The following KIF6 variants were observed in gnomAD, a reference collection of about 807,000 sequenced individuals.
The protein encoded by KIF6 is kinesin-like protein KIF6.
KIF6 carries 106 observed loss-of-function variants against 112.7 expected under a neutral mutation model. The observed-to-expected ratio is 0.94, with a 90% CI of 0.80 to 1.11. The LOEUF (loss-of-function observed/expected upper bound fraction) is 1.11. Among genes scored for constraint, KIF6 ranks in the 50% least tolerant of loss-of-function variants. The pLI, the probability that KIF6 is intolerant of heterozygous loss-of-function variation, is 0.00. For missense variants in KIF6, 929 were observed against 964.0 expected (o/e 0.96, Z 0.48); for synonymous variants, 339 against 339.9 (o/e 1.00, Z 0.03).
chr6:39,634,817 T>G (rs1285817532), intron 5 of KIF6, 32 bp downstream of exon 5: 1 of 1,209,210 alleles, frequency 8.3e-7, no homozygotes, highest in Admixed American at 1.7e-5. Context: ...TGAAAGTAAT[T>G]TCCCTCCATT....
At chr6:39,417,955 G>A (rs1390026638) in intron 15 of KIF6, among the ~76,000 whole-genome samples, 1 of 151,892 alleles carries the variant, frequency 6.6e-6, no homozygotes, top group Non-Finnish European at 1.5e-5. Flanking sequence ...GAGGTAAGAG[G>A]ATGCTGACAA....
intron 15 of KIF6, among the ~76,000 whole-genome samples, chr6:39,403,049 A>G (rs1018495894): frequency 1.4e-4 from 21 of 152,332 alleles, no homozygotes; most frequent in Admixed American, 9.2e-4. Context: ...ATTAAAAAAA[A>G]AATTCTGTTC....
chr6:39,646,112 C>T (rs1016905668), intron 3 of KIF6, among the ~76,000 whole-genome samples: 5 of 146,828 alleles, frequency 3.4e-5, no homozygotes, highest in East Asian at 2.0e-4. Context: ...TAGAACTTAA[C>T]GTATAAGAAA....
rs528137463 is a variant in KIF6 at position 39,587,663 on chromosome 6, C to T, written c.847-1259G>A. Among the ~76,000 whole-genome samples, 8 of 152,236 alleles carry T rather than the reference C, an allele frequency of 5.3e-5. 1 individual carries two copies. Among genetic ancestry groups the T allele is most frequent in the Admixed American group, 2.6e-4 (4 of 15,294 alleles). On this transcript the variant is annotated intron_variant, in intron 7 of 22. Coordinates refer to ENST00000287152, the MANE Select transcript of KIF6 (RefSeq NM_145027.6). ...CTACTAGATATGATAGATATAGATT[C>T]GGAACCCTGACCAGGACTATCTCAT...
At chr6:39,532,308 G>A (rs754700933) in intron 13 of KIF6, among the ~76,000 whole-genome samples, 30 of 152,144 alleles carry the variant, frequency 2.0e-4, no homozygotes, top group Non-Finnish European at 4.0e-4. Flanking sequence ...AGTACCTGAT[G>A]TATATAAGGA....
At chr6:39,526,983 C>T (rs1777775429) in intron 13 of KIF6, among the ~76,000 whole-genome samples, 1 of 152,220 alleles carries the variant, frequency 6.6e-6, no homozygotes, top group Admixed American at 6.5e-5. Context: ...TTCTATTTCT[C>T]TGGTTGCTTT....
At chr6:39,585,040 T>A in intron 8 of KIF6, 56 bp from the exon 9 acceptor site, 1 of 987,782 alleles carries the variant, frequency 1.0e-6, no homozygotes, top group Non-Finnish European at 1.6e-6. Context: ...TATTTCTTTC[T>A]AGATAAAACT....
chr6:39,605,333 T>C (rs908722375), intron 6 of KIF6, among the ~76,000 whole-genome samples: 5 of 152,114 alleles, frequency 3.3e-5, no homozygotes, highest in African/African-American at 1.2e-4. Flanking sequence ...CTCTTCCTAT[T>C]AAAATTCAGC....
chr6:39,431,669 C>A (rs879790309), intron 13 of KIF6, among the ~76,000 whole-genome samples: 2 of 152,194 alleles, frequency 1.3e-5, no homozygotes, highest in Admixed American at 1.3e-4. Flanking sequence ...GGGGTCTCGG[C>A]TCTTCTTCAG....
intron 10 of KIF6, among the ~76,000 whole-genome samples, chr6:39,550,133 G>A (rs908508117): frequency 2.0e-5 from 3 of 152,246 alleles, no homozygotes; most frequent in South Asian, 4.1e-4. Flanking sequence ...ATGTTTAACT[G>A]TTTTAAAAAA....
intron 13 of KIF6, among the ~76,000 whole-genome samples, chr6:39,530,881 G>A (rs1778017113): frequency 6.6e-6 from 1 of 152,036 alleles, no homozygotes; most frequent in Non-Finnish European, 1.5e-5. Flanking sequence ...GTTTATACAA[G>A]CCTCTTGTAT....
rs1488495499 is a variant in KIF6 at position 39,345,738 on chromosome 6, G to C, written c.2283C>G (p.Ser761Arg). The C allele has an allele frequency of 6.2e-7, 1 of 1,613,980 alleles. No homozygotes were observed. The highest frequency in any genetic ancestry group is 1.1e-5 in the South Asian group (1 of 90,956). The change falls in exon 21 of 23, where the codon AGC becomes AGG. Residue 761 changes from serine to arginine, a missense_variant. Transcript: ENST00000287152. ...GGGTGCTGGTGCTGCTCTGTTTCTGGCTGTGTGGACTGGGGCAAGGCGAGG... is the reference window on the plus strand; with the variant it reads ...GGGTGCTGGTGCTGCTCTGTTTCTGCCTGTGTGGACTGGGGCAAGGCGAGG... ...ILPSPCPSPH[S>R]QKQSSTSTPL...
chr6:39,457,006 T>G (rs1226077476), intron 13 of KIF6, among the ~76,000 whole-genome samples: 1 of 144,106 alleles, frequency 6.9e-6, no homozygotes, highest in Non-Finnish European at 1.5e-5. Context: ...AACTCAGCTC[T>G]GCACCAAGCA....
chr6:39,454,759 G>A (rs1335767519), intron 13 of KIF6, among the ~76,000 whole-genome samples: 3 of 151,806 alleles, frequency 2.0e-5, no homozygotes, highest in African/African-American at 4.8e-5. Flanking sequence ...AAGGGATGAC[G>A]GACGCACCTG....
At chr6:39,397,711 T>A (rs183350873) in intron 15 of KIF6, among the ~76,000 whole-genome samples, 1 of 150,570 alleles carries the variant, frequency 6.6e-6, no homozygotes, top group East Asian at 1.9e-4. Flanking sequence ...AAATGAGAGG[T>A]TTTTGCAGTG....
chr6:39,586,383 T>C lies in KIF6; in HGVS notation c.868A>G (p.Lys290Glu). Residue 290 changes from lysine to glutamate, a missense_variant, in exon 8 of 23, where the codon AAG (lysine) becomes GAG (glutamate). Lys to Glu is a moderately conservative substitution (Grantham distance 56, BLOSUM62 1). Around this residue, in one of 2 missense-constraint regions of KIF6, gnomAD observed 688 missense variants for 662.7 expected, o/e 1.04. Coordinates refer to ENST00000287152, the MANE Select transcript of KIF6 (RefSeq NM_145027.6). ...CTATAAGGAATGTGCGAACGGTGCTTTTCTGAAAGGGCAATGATAACCTGT... is the reference window on the plus strand; with the variant it reads ...CTATAAGGAATGTGCGAACGGTGCTCTTCTGAAAGGGCAATGATAACCTGT... The part of the protein sequence containing the change: ...LEQVIIALSE[K>E]HRSHIPYRNS... 2 of 1,614,090 alleles carry C rather than the reference T, an allele frequency of 1.2e-6. No homozygotes were observed. The highest frequency in any genetic ancestry group is 1.7e-6 in the Non-Finnish European group (2 of 1,179,962).
intron 3 of KIF6, among the ~76,000 whole-genome samples, chr6:39,704,043 T>G (rs976774850): frequency 3.3e-5 from 5 of 152,190 alleles, no homozygotes; most frequent in African/African-American, 1.2e-4. Context: ...AACTTTTTGG[T>G]GCCTCGGGAG....
At chr6:39,515,343 G>C (rs1231120690) in intron 13 of KIF6, among the ~76,000 whole-genome samples, 1 of 152,174 alleles carries the variant, frequency 6.6e-6, no homozygotes, top group Non-Finnish European at 1.5e-5. Flanking sequence ...AATAGGAGTT[G>C]ACACCAAAAC....
At chr6:39,511,708 A>G (rs935340053) in intron 13 of KIF6, among the ~76,000 whole-genome samples, 1 of 152,234 alleles carries the variant, frequency 6.6e-6, no homozygotes, top group African/African-American at 2.4e-5. Flanking sequence ...TCCATCAATG[A>G]TAGACTGAAT....
Sources: gnomAD v4.1 joint callset for allele counts (sites outside exome capture counted in the v4.1 genomes callset) on GRCh38, gnomAD v4.1.1 for gene constraint, gnomAD v4.1.1 regional missense constraint, MANE v1.5 for transcripts, NCBI Gene and HGNC (gene_info 2026-07-23, HGNC 2026-07-21) for gene names.